The following CYP7A1 variants were observed in gnomAD, a reference collection of about 807,000 sequenced individuals.
The protein encoded by CYP7A1 is cytochrome P450 7A1.
CYP7A1 carries 28 observed loss-of-function variants against 43.8 expected under a neutral mutation model. The ratio of observed to expected loss-of-function variants is 0.64; its 90% CI spans 0.47 to 0.88. The LOEUF is 0.88. CYP7A1 is among the 40% of genes least tolerant of loss of function. CYP7A1 has a pLI of 0.00. For synonymous variants in CYP7A1, 227 were observed against 222.5 expected, an observed-to-expected ratio of 1.02 and a Z score of -0.18; for missense variants, 637 against 611.9, an observed-to-expected ratio of 1.04 and a Z score of -0.43.
chr8:58,491,865 C>T (rs1269511504), intron 5 of CYP7A1, 91 bp from the exon 6 acceptor site: 7 of 1,064,840 alleles, frequency 6.6e-6, no homozygotes, highest in Non-Finnish European at 9.9e-6. Context: ...GAGTAATTTT[C>T]TTTTTAATTC....
chr8:58,499,495 T>G (rs983371386), intron 1 of CYP7A1, among the ~76,000 whole-genome samples: 3 of 152,208 alleles, frequency 2.0e-5, no homozygotes, highest in Non-Finnish European at 4.4e-5. Context: ...TTCACCACAG[T>G]TGATTAACAT....
chr8:58,491,738 T>TC lies in CYP7A1; in HGVS notation c.1251dup (p.Lys418GlufsTer9), dbSNP rs760617117. 1 of 1,613,860 alleles carries TC rather than the reference T, an allele frequency of 6.2e-7. No individual in the cohort carries two copies. The highest frequency in any genetic ancestry group is 8.5e-7 in the Non-Finnish European group (1 of 1,179,730). Reference sequence around the variant, plus strand: ...TTACAATAGAAGGTAGTCTTTGTCTTCCCGTTTTCATCAAGATACCTATCA... The same window carrying TC: ...TTACAATAGAAGGTAGTCTTTGTCTTCCCCGTTTTCATCAAGATACCTATCA... On this transcript the variant is annotated frameshift_variant, in exon 6 of 6. Transcript: ENST00000301645. LOFTEE classifies it high-confidence loss of function.
chr8:58,497,128 A>G lies in CYP7A1; in HGVS notation c.384T>C (p.Thr128=), dbSNP rs1448108549. Residue 128 remains threonine (T), a synonymous_variant, in exon 3 of 6, where the codon ACT becomes ACC. Coordinates refer to ENST00000301645, the MANE Select transcript of CYP7A1 (RefSeq NM_000780.4). The part of the protein sequence containing the change: ...DGNTTENIND[T]FIKTLQGHAL... ...CATGGCCCTGCAGGGTTTTGATGAAAGTGTCGTTTATGTTTTCAGTGGTAT... is the reference window on the plus strand; with the variant it reads ...CATGGCCCTGCAGGGTTTTGATGAAGGTGTCGTTTATGTTTTCAGTGGTAT... 2 of 1,599,880 alleles carry G rather than the reference A, an allele frequency of 1.3e-6. No individual in the cohort carries two copies. The highest frequency in any genetic ancestry group is 1.7e-6 in the Non-Finnish European group (2 of 1,179,952).
chr8:58,498,491 T>C, intron 1 of CYP7A1, 22 bp from the exon 2 acceptor site: 5 of 1,613,720 alleles, frequency 3.1e-6, no homozygotes, highest in Non-Finnish European at 4.2e-6. Context: ...AAGTGTATGA[T>C]AGACATGGAT....
Position 58,494,575 on chromosome 8 carries a change from G to A in CYP7A1, c.970C>T (p.Gln324Ter), listed in dbSNP as rs1245630081. 6.2e-7 allele frequency: 1 copy of A among 1,613,886 alleles called. No individual in the cohort carries two copies. The highest frequency in any genetic ancestry group is 1.3e-5 in the African/African-American group (1 of 74,904). Residue 324 changes from glutamine to a stop codon, truncating the protein, a stop_gained, in exon 4 of 6, where the codon CAA becomes TAA. Transcript: ENST00000301645. LOFTEE classifies it high-confidence loss of function. ...EVKRTLENAGQKVSLEGNPIC... is the reference protein window; with the variant it reads ...EVKRTLENAG ...GGATTGCCTTCCAAGCTGACTTTTT[G>A]ACCAGCATTCTCTAATGTTCTTTTC... is the stretch of plus-strand genomic sequence containing the variant.
At chr8:58,498,794 G>A (rs956380937) in intron 1 of CYP7A1, among the ~76,000 whole-genome samples, 6 of 152,172 alleles carry the variant, frequency 3.9e-5, no homozygotes, top group African/African-American at 1.4e-4. Flanking sequence ...CAAGATTCTT[G>A]TTGTCAGTGC....
intron 5 of CYP7A1, 82 bp downstream of exon 5, chr8:58,492,271 A>T: frequency 8.5e-7 from 1 of 1,175,588 alleles, no homozygotes; most frequent in Non-Finnish European, 1.3e-6. Context: ...GATAAAATCA[A>T]TTCTACCATT....
chr8:58,495,552 G>A (rs1473385454), intron 3 of CYP7A1, among the ~76,000 whole-genome samples: 2 of 152,108 alleles, frequency 1.3e-5, no homozygotes, highest in African/African-American at 4.8e-5. Context: ...ATAAATAAGT[G>A]TTTCTAACAA....
chr8:58,495,843 T>G (rs902937410), intron 3 of CYP7A1, among the ~76,000 whole-genome samples: 1 of 152,214 alleles, frequency 6.6e-6, no homozygotes, highest in African/African-American at 2.4e-5. Flanking sequence ...TCATCAGCCA[T>G]CAATAGAAAT....
chr8:58,494,888 C>G (rs940858133), intron 3 of CYP7A1, among the ~76,000 whole-genome samples: 1 of 152,242 alleles, frequency 6.6e-6, no homozygotes, highest in Non-Finnish European at 1.5e-5. Flanking sequence ...GTAATCCCAG[C>G]ACTTTGGGAG....
chr8:58,498,439 T>A lies in CYP7A1; in HGVS notation c.111A>T (p.Gly37=). The change falls in exon 2 of 6, where the codon GGA becomes GGT. Residue 37 remains glycine, a synonymous_variant. Coordinates refer to ENST00000301645, the MANE Select transcript of CYP7A1 (RefSeq NM_000780.4). The part of the protein sequence containing the change: ...RQTGEPPLEN[G]LIPYLGCALQ... ...GAGCACAGCCCAGGTATGGAATTAA[T>A]CCATTCTCTAGAGGTGGTTCACCCG... 6.2e-7 allele frequency: 1 copy of A among 1,614,090 alleles called. No individual in the cohort carries two copies. The highest frequency in any genetic ancestry group is 8.5e-7 in the Non-Finnish European group (1 of 1,179,986).
In CYP7A1 at chr8:58,500,053, A is replaced by T. The variant is rs1480684850; in HGVS notation, c.46T>A (p.Cys16Ser). Reference sequence around the variant, plus strand: ...ATTCCAAGAATAAGCCATAGACAACAGCATGCTGCTATAGCAATCCCCCAA... The same window carrying T: ...ATTCCAAGAATAAGCCATAGACAACTGCATGCTGCTATAGCAATCCCCCAA... The part of the protein sequence containing the change: ...LIWGIAIAAC[C>S]CLWLILGIRR... The change falls in exon 1 of 6, where the codon TGT (cysteine) becomes AGT (serine). Residue 16 changes from cysteine to serine, a missense_variant. Cys to Ser is a moderately radical substitution (Grantham distance 112, BLOSUM62 -1). Transcript: ENST00000301645. 6.2e-7 allele frequency: 1 copy of T among 1,612,990 alleles called. No homozygotes were observed. Among genetic ancestry groups the T allele is most frequent in the Admixed American group, 1.7e-5 (1 of 59,994 alleles).
chr8:58,497,151 T>C lies in CYP7A1; in HGVS notation c.361A>G (p.Thr121Ala). ...AAAGTGTCGTTTATGTTTTCAGTGG[T>C]ATTTCCATCCATCGGGTCAATGCTT... ...HRSIDPMDGN[T>A]TENINDTFIK... Residue 121 changes from threonine (T) to alanine (A), a missense_variant, in exon 3 of 6, where the codon ACC becomes GCC. Coordinates refer to ENST00000301645, the MANE Select transcript of CYP7A1 (RefSeq NM_000780.4). The C allele has an allele frequency of 6.3e-7, 1 of 1,599,770 alleles. No homozygotes were observed. The highest frequency in any genetic ancestry group is 8.5e-7 in the Non-Finnish European group (1 of 1,179,948).
chr8:58,496,482 G>A (rs1809443634), intron 3 of CYP7A1, 122 bp downstream of exon 3: 2 of 722,416 alleles, frequency 2.8e-6, no homozygotes, highest in Non-Finnish European at 2.3e-6. Context: ...ACATGCATTA[G>A]TGCTACGTTC....
chr8:58,499,914 G>T (rs1585645739), intron 1 of CYP7A1, 105 bp downstream of exon 1: 1 of 785,952 alleles, frequency 1.3e-6, no homozygotes, highest in Non-Finnish European at 2.2e-6. Context: ...GGAAGATAAT[G>T]CTAATATGTG....
Position 58,494,616 on chromosome 8 carries a change from G to T in CYP7A1, c.929C>A (p.Ala310Glu). The T allele has an allele frequency of 6.2e-7, 1 of 1,613,858 alleles. No individual in the cohort carries two copies. Among genetic ancestry groups the T allele is most frequent in the African/African-American group, 1.3e-5 (1 of 75,018 alleles). Residue 310 changes from alanine to glutamate, a missense_variant, in exon 4 of 6, where the codon GCA (alanine) becomes GAA (glutamate). Coordinates refer to ENST00000301645, the MANE Select transcript of CYP7A1 (RefSeq NM_000780.4). Reference protein sequence around the residue: ...QMIRNPEAMKAATEEVKRTLE... With the variant: ...QMIRNPEAMKEATEEVKRTLE... ...TGTTCTTTTCACTTCTTCAGTAGCT[G>T]CTTTCATTGCTTCTGGGTTCCTATT...
rs1809347229 is a variant in CYP7A1, at chr8:58,491,339, A to T, written c.*136T>A. 1 of 815,866 alleles carries T rather than the reference A, an allele frequency of 1.2e-6. No individual in the cohort carries two copies. Among genetic ancestry groups the T allele is most frequent in the African/African-American group, 1.7e-5 (1 of 58,738 alleles). The allele number at this position is 815,866 out of a possible 1,614,324, so 50.5% of individuals were successfully genotyped here. On this transcript the variant is annotated 3_prime_UTR_variant, in exon 6 of 6. Coordinates refer to ENST00000301645, the MANE Select transcript of CYP7A1 (RefSeq NM_000780.4). ...CACCAAAATGTTAAGATTCACAAGCAAGCACTGGTGAACAACATTGGACCT... is the reference window on the plus strand; with the variant it reads ...CACCAAAATGTTAAGATTCACAAGCTAGCACTGGTGAACAACATTGGACCT...
Position 58,496,885 on chromosome 8 carries a change from G to C in CYP7A1, c.627C>G (p.Phe209Leu). 6.2e-7 allele frequency: 1 copy of C among 1,614,228 alleles called. No homozygotes were observed. Among genetic ancestry groups the C allele is most frequent in the Non-Finnish European group, 8.5e-7 (1 of 1,180,040 alleles). Residue 209 changes from phenylalanine (F) to leucine (L), a missense_variant, in exon 3 of 6, where the codon TTC (phenylalanine) becomes TTG (leucine). Coordinates refer to ENST00000301645, the MANE Select transcript of CYP7A1 (RefSeq NM_000780.4). ...CTGGAAAGACTTTGTCGAATTGCTT[G>C]AAGTTGTCAAGATTGTTTAGAATAT... is the stretch of plus-strand genomic sequence containing the variant. ...KAHILNNLDN[F>L]KQFDKVFPAL...
intron 1 of CYP7A1, among the ~76,000 whole-genome samples, 171 bp downstream of exon 1, chr8:58,499,848 T>G (rs564210114): frequency 6.6e-6 from 1 of 152,252 alleles, no homozygotes; most frequent in Non-Finnish European, 1.5e-5. Flanking sequence ...TTGTGAGATA[T>G]AGTAAAAAAG....
Sources: allele counts gnomAD v4.1 joint callset (sites outside exome capture counted in the v4.1 genomes callset), GRCh38; gene constraint gnomAD v4.1.1; transcripts MANE v1.5; gene names NCBI Gene and HGNC (gene_info 2026-07-23, HGNC 2026-07-21).